ROPN1L: variants seen among roughly 807,000 people sequenced by gnomAD.
ROPN1L encodes ropporin-1-like protein.
Under a neutral mutation model 22.7 loss-of-function variants are expected in ROPN1L, and 23 were observed. The ratio of observed to expected loss-of-function variants is 1.01; its 90% CI spans 0.73 to 1.43. The LOEUF (loss-of-function observed/expected upper bound fraction) is 1.43. Among genes scored for constraint, ROPN1L ranks in the 40% most tolerant of loss-of-function variants. ROPN1L has a pLI of 0.00. For synonymous variants in ROPN1L, 116 were observed against 117.8 expected, an observed-to-expected ratio of 0.98 and a Z score of 0.10; for missense variants, 271 against 291.5, an observed-to-expected ratio of 0.93 and a Z score of 0.51.
At position 10,464,121 on chromosome 5, in the gene ROPN1L, C is replaced by T. The variant is rs554059091; in HGVS notation, c.594-727C>T. ...CCTCGTCTCCTTGTCCCTTCCACAT[C>T]GTTTCCTCTCCTTCCTTCAAACTCA... On this transcript the variant is annotated intron_variant, in intron 4 of 4. Transcript: ENST00000274134. 1.4e-4 allele frequency among the ~76,000 whole-genome samples: 21 copies of T among 152,256 alleles called. No homozygotes were observed. The South Asian group carries it at 1.7e-3, about 12-fold the overall frequency.
At chr5:10,481,950 G>C in the ROPN1L span, 1 of 152,272 alleles carries the variant, frequency 6.6e-6, no homozygotes, top group African/African-American at 2.4e-5. Flanking sequence ...GGAGAGTCAG[G>C]CCAGCCACAG....
intron 2 of ROPN1L, 45 bp downstream of exon 2, chr5:10,448,428 T>C (rs754044544): frequency 5.0e-6 from 8 of 1,611,342 alleles, no homozygotes; most frequent in South Asian, 1.1e-5. Context: ...TGGCCTGTGC[T>C]TTCCTTACCG....
chr5:10,481,409 C>T, the ROPN1L span, among the ~76,000 whole-genome samples: 25,301 of 152,136 alleles, frequency 0.17, 3,614 homozygotes, highest in East Asian at 0.78. Context: ...TACTTGCTCC[C>T]AGGGTGATTA....
chr5:10,466,865 G>C (rs1735163675), downstream of ROPN1L, among the ~76,000 whole-genome samples: 1 of 152,186 alleles, frequency 6.6e-6, no homozygotes, highest in South Asian at 2.1e-4. Flanking sequence ...CCAAGGTGAA[G>C]GTGTTGGCAG....
chr5:10,464,511 A>G (rs1430505580), intron 4 of ROPN1L, among the ~76,000 whole-genome samples: 1 of 152,190 alleles, frequency 6.6e-6, no homozygotes, highest in East Asian at 1.9e-4. Flanking sequence ...GTTCCATCTC[A>G]TTCCAAATCC....
downstream of ROPN1L, among the ~76,000 whole-genome samples, chr5:10,476,284 G>T (rs146126253): frequency 1.3e-5 from 2 of 152,196 alleles, no homozygotes; most frequent in African/African-American, 2.4e-5. Context: ...GCATGATTGC[G>T]TGTAAACTCC....
At position 10,442,019 on chromosome 5, in the gene ROPN1L, A is replaced by G; in HGVS notation, c.-149A>G. On this transcript the variant is annotated 5_prime_UTR_variant, in exon 1 of 5. Coordinates refer to ENST00000274134, the MANE Select transcript of ROPN1L (RefSeq NM_031916.5). Reference sequence around the variant, plus strand: ...GGAGGAGCGGGTAAGAGCCCCGCGAATCCGGCCCCAACCTCGGGAACGGGA... The same window carrying G: ...GGAGGAGCGGGTAAGAGCCCCGCGAGTCCGGCCCCAACCTCGGGAACGGGA... 8.9e-7 allele frequency: 1 copy of G among 1,117,960 alleles called. No individual in the cohort carries two copies. The highest frequency in any genetic ancestry group is 1.6e-5 in the African/African-American group (1 of 63,736). The allele number at this position is 1,117,960 out of a possible 1,614,324, so 69.3% of individuals were successfully genotyped here. A position where few individuals can be genotyped will look rare whatever the true frequency, so the allele number is the denominator to read the frequency against.
chr5:10,461,498 A>T (rs1735029921), intron 4 of ROPN1L, 139 bp downstream of exon 4: 1 of 744,946 alleles, frequency 1.3e-6, no homozygotes, highest in Non-Finnish European at 2.2e-6. Flanking sequence ...GACTGCTATG[A>T]TCAAATGTGT....
At chr5:10,450,620 C>T (rs754434575) in intron 3 of ROPN1L, among the ~76,000 whole-genome samples, 56 of 152,248 alleles carry the variant, frequency 3.7e-4, no homozygotes, top group Non-Finnish European at 6.3e-4. Context: ...GTCTCAGCCT[C>T]CCGAGTTGCT....
intron 2 of ROPN1L, 141 bp downstream of exon 2, chr5:10,448,524 C>A: frequency 3.2e-6 from 3 of 931,434 alleles, no homozygotes; most frequent in Non-Finnish European, 4.7e-6. Context: ...GCTTTCCCTG[C>A]CACGCATCGT....
In ROPN1L at chr5:10,442,002, G is replaced by T; in HGVS notation, c.-166G>T. 1 of 867,470 alleles carries T rather than the reference G, an allele frequency of 1.2e-6. No homozygotes were observed. The highest frequency in any genetic ancestry group is 2.7e-5 in the East Asian group (1 of 37,430). The allele number at this position is 867,470 out of a possible 1,614,324, so 53.7% of individuals were successfully genotyped here. On this transcript the variant is annotated 5_prime_UTR_variant, in exon 1 of 5. Coordinates refer to ENST00000274134, the MANE Select transcript of ROPN1L (RefSeq NM_031916.5). ...TTTCTCCCGAAGCCCGCGGAGGAGC[G>T]GGTAAGAGCCCCGCGAATCCGGCCC...
chr5:10,457,425 C>A (rs919564355), intron 3 of ROPN1L, among the ~76,000 whole-genome samples: 5 of 152,334 alleles, frequency 3.3e-5, no homozygotes, highest in South Asian at 4.1e-4. Context: ...GCCCGCCTGG[C>A]GGCTGCTAGA....
At chr5:10,458,182 C>T (rs1734888946) in intron 3 of ROPN1L, among the ~76,000 whole-genome samples, 1 of 152,044 alleles carries the variant, frequency 6.6e-6, no homozygotes, top group Non-Finnish European at 1.5e-5. Context: ...ACCCGCCAGT[C>T]CTTGTCCTTC....
At chr5:10,455,380 A>AC (rs2126449990) in intron 3 of ROPN1L, among the ~76,000 whole-genome samples, 1 of 151,476 alleles carries the variant, frequency 6.6e-6, no homozygotes, top group South Asian at 2.1e-4. Flanking sequence ...CCACGCCCCC[A>AC]CCCCCCAGTG....
At chr5:10,457,789 C>T (rs1247225889) in intron 3 of ROPN1L, among the ~76,000 whole-genome samples, 2 of 152,172 alleles carry the variant, frequency 1.3e-5, no homozygotes, top group Non-Finnish European at 2.9e-5. Context: ...GGCCCTTTCC[C>T]TGCATCTGCA....
chr5:10,459,849 G>T lies in ROPN1L; in HGVS notation c.418-1335G>T, dbSNP rs1323554397. 3.3e-5 allele frequency among the ~76,000 whole-genome samples: 5 copies of T among 152,216 alleles called. No homozygotes were observed. The East Asian group carries it at 9.6e-4, about 29-fold the overall frequency. Reference sequence around the variant, plus strand: ...CTTGACTGTGATCTCCACATGAGCAGGCGTTAGGTGTCTGTTCACTGCTAC... The same window carrying T: ...CTTGACTGTGATCTCCACATGAGCATGCGTTAGGTGTCTGTTCACTGCTAC... On this transcript the variant is annotated intron_variant, in intron 3 of 4. Transcript: ENST00000274134.
chr5:10,465,843 A>G (rs76870502), downstream of ROPN1L, among the ~76,000 whole-genome samples: 2 of 151,604 alleles, frequency 1.3e-5, no homozygotes, highest in African/African-American at 4.8e-5. Flanking sequence ...ATCTAAAAAT[A>G]AAAAAAAACA....
At position 10,448,322 on chromosome 5, in the gene ROPN1L, C is replaced by T. The variant is rs763285700; in HGVS notation, c.194C>T (p.Thr65Met). Residue 65 changes from threonine to methionine, a missense_variant, in exon 2 of 5, where the codon ACG (threonine) becomes ATG (methionine). Thr to Met is a moderately conservative substitution (Grantham distance 81). Transcript: ENST00000274134. ...LPVKDRMEMP[T>M]ATQKTDTGLT... is the part of the protein sequence containing the mutation. ...GTAAAGGACAGAATGGAAATGCCCA[C>T]GGCAACCCAGAAAACAGACACAGGC... 1.7e-5 allele frequency: 27 copies of T among 1,614,076 alleles called. No individual in the cohort carries two copies. Among genetic ancestry groups the T allele is most frequent in the Middle Eastern group, 1.6e-4 (1 of 6,084 alleles).
intron 4 of ROPN1L, among the ~76,000 whole-genome samples, chr5:10,470,832 G>A (rs949177141): frequency 1.3e-5 from 2 of 152,236 alleles, no homozygotes; most frequent in Non-Finnish European, 2.9e-5. Flanking sequence ...GATAATATTC[G>A]GGCTTAGGTG....
Sources: gnomAD v4.1 joint callset for allele counts (sites outside exome capture counted in the v4.1 genomes callset) on GRCh38, gnomAD v4.1.1 for gene constraint, MANE v1.5 for transcripts, NCBI Gene and HGNC (gene_info 2026-07-23, HGNC 2026-07-21) for gene names.